Variants in MTX2 observed in about 807,000 individuals in gnomAD.
MTX2 encodes the protein metaxin-2.
In MTX2, 35 loss-of-function variants were observed where a neutral mutation model predicts 42.3. The observed-to-expected ratio is 0.83, with a 90% CI of 0.63 to 1.10. MTX2 has a LOEUF of 1.10. Ranked by LOEUF, MTX2 falls within the 50% of genes least tolerant of loss-of-function variation. The pLI, the probability that MTX2 is intolerant of heterozygous loss-of-function variation, is 0.00. For missense variants in MTX2, 307 were observed against 304.1 expected, an observed-to-expected ratio of 1.01 and a Z score of -0.07; for synonymous variants, 119 against 100.9, an observed-to-expected ratio of 1.18 and a Z score of -1.08.
intron 9 of MTX2, among the ~76,000 whole-genome samples, chr2:176,333,629 T>C (rs1684911735): frequency 6.6e-6 from 1 of 151,696 alleles, no homozygotes; most frequent in Non-Finnish European, 1.5e-5. Flanking sequence ...TTAGTGTGTG[T>C]GGATATATAC....
intron 3 of MTX2, among the ~76,000 whole-genome samples, chr2:176,316,441 A>G (rs1248246411): frequency 6.6e-6 from 1 of 151,914 alleles, no homozygotes; most frequent in East Asian, 1.9e-4. Context: ...TATGCCCATC[A>G]CCCAGGCTAG....
rs1693001145 is a variant in MTX2, at chr2:176,278,435, T to C, written c.40+8766T>C. On this transcript the variant is annotated intron_variant, in intron 1 of 9. Transcript: ENST00000249442. Reference sequence around the variant, plus strand: ...CCTTCAGAGGCTTGTTTTCTGCTAATGAAATAGTTCATAGGCTGTAATATG... The same window carrying C: ...CCTTCAGAGGCTTGTTTTCTGCTAACGAAATAGTTCATAGGCTGTAATATG... Among the ~76,000 whole-genome samples, 2 of 152,212 alleles carry C rather than the reference T, an allele frequency of 1.3e-5. 1 individual carries two copies. Among genetic ancestry groups the C allele is most frequent in the South Asian group, 4.1e-4 (2 of 4,828 alleles).
chr2:176,281,189 CT>C (rs1334047260), intron 1 of MTX2, among the ~76,000 whole-genome samples: 2 of 152,052 alleles, frequency 1.3e-5, no homozygotes, highest in Non-Finnish European at 2.9e-5. Flanking sequence ...AAGGTGGGGT[CT>C]TTTTCTAAGA....
At chr2:176,293,539 CTG>C (rs1693372847) in intron 1 of MTX2, among the ~76,000 whole-genome samples, 1 of 152,114 alleles carries the variant, frequency 6.6e-6, no homozygotes, top group Non-Finnish European at 1.5e-5. Context: ...AGTTCTCTCT[CTG>C]TGTTCACATG....
intron 3 of MTX2, among the ~76,000 whole-genome samples, chr2:176,308,338 A>G (rs973513061): frequency 6.6e-6 from 1 of 152,148 alleles, no homozygotes; most frequent in Non-Finnish European, 1.5e-5. Flanking sequence ...ATTGATGTTC[A>G]TCAGTAATGT....
chr2:176,323,898 C>T (rs555620089), intron 4 of MTX2, among the ~76,000 whole-genome samples: 9 of 151,558 alleles, frequency 5.9e-5, no homozygotes, highest in African/African-American at 2.2e-4. Flanking sequence ...ATTAATTTGT[C>T]GTTAGATCTT....
At chr2:176,305,358 A>T (rs1047276072) in intron 3 of MTX2, among the ~76,000 whole-genome samples, 44 of 152,184 alleles carry the variant, frequency 2.9e-4, no homozygotes, top group Admixed American at 2.4e-3. Context: ...CAGAAAAAGA[A>T]TATATATATT....
intron 1 of MTX2, among the ~76,000 whole-genome samples, chr2:176,295,895 A>G (rs1455811285): frequency 6.6e-6 from 1 of 152,208 alleles, no homozygotes; most frequent in Non-Finnish European, 1.5e-5. Flanking sequence ...ACAATTAGAA[A>G]TATATCAATT....
chr2:176,320,413 G>A (rs1176470571), intron 3 of MTX2, among the ~76,000 whole-genome samples: 2 of 152,000 alleles, frequency 1.3e-5, no homozygotes, highest in Admixed American at 1.3e-4. Flanking sequence ...ATTAACAGTT[G>A]AATATTATTC....
chr2:176,285,756 T>TATGCTG (rs1693184941), intron 1 of MTX2, among the ~76,000 whole-genome samples: 1 of 152,190 alleles, frequency 6.6e-6, no homozygotes, highest in Non-Finnish European at 1.5e-5. Flanking sequence ...ATCATATGGA[T>TATGCTG]ATGCTGCATT....
intron 1 of MTX2, among the ~76,000 whole-genome samples, chr2:176,288,071 G>A (rs932722816): frequency 4.0e-5 from 6 of 151,780 alleles, no homozygotes; most frequent in East Asian, 3.9e-4. Flanking sequence ...ATCCTGTATC[G>A]TATCATTAAA....
rs1683933425 is a variant in MTX2, at chr2:176,298,016, T to C, written c.135+121T>C. On this transcript the variant is annotated intron_variant, in intron 3 of 9. Coordinates refer to ENST00000249442, the MANE Select transcript of MTX2 (RefSeq NM_006554.5). Reference sequence around the variant, plus strand: ...TACTATATGTTTAGATTTTTTTCTGTGTGATTTACCATTATCTATATAACA... The same window carrying C: ...TACTATATGTTTAGATTTTTTTCTGCGTGATTTACCATTATCTATATAACA... The C allele has an allele frequency of 1.8e-5, 10 of 557,978 alleles. No individual in the cohort carries two copies. In the East Asian group the frequency reaches 3.4e-4, roughly 19 times the overall value. 34.6% of individuals were successfully genotyped at this position (557,978 alleles called of 1,614,324 possible).
At chr2:176,333,808 A>G (rs1474779666) in intron 9 of MTX2, among the ~76,000 whole-genome samples, 1 of 151,662 alleles carries the variant, frequency 6.6e-6, no homozygotes, top group African/African-American at 2.4e-5. Context: ...ACAGTTGCCT[A>G]CAGTATTCTG....
chr2:176,323,293 G>A, intron 3 of MTX2, 99 bp from the exon 4 acceptor site: 1 of 982,682 alleles, frequency 1.0e-6, no homozygotes, highest in South Asian at 1.5e-5. Flanking sequence ...GAGTTTTGTA[G>A]TATGAAACTA....
intron 9 of MTX2, 71 bp downstream of exon 9, chr2:176,330,731 G>T (rs1684844532): frequency 2.9e-6 from 3 of 1,042,200 alleles, no homozygotes; most frequent in Admixed American, 2.2e-5. Context: ...TTTCATAAAA[G>T]AATTGCTTTT....
rs994015105 is a variant in MTX2, at chr2:176,269,579, C to T, written c.-51C>T. 6.5e-7 allele frequency: 1 copy of T among 1,542,062 alleles called. No individual in the cohort carries two copies. Among genetic ancestry groups the T allele is most frequent in the Non-Finnish European group, 8.7e-7 (1 of 1,147,828 alleles). On this transcript the variant is annotated 5_prime_UTR_variant, in exon 1 of 10. The change creates a new upstream start codon in the 5' untranslated region. Transcript: ENST00000249442. The stretch of plus-strand genomic sequence containing the variant: ...GAGCCTCCGGGTTTGCGGTGGAGGA[C>T]GCTGAGGCCCGTGGGGGGCAGGCAC...
rs920349994 is a variant in MTX2, at chr2:176,269,480, C to G, written c.-150C>G. 1.9e-5 allele frequency: 17 copies of G among 877,882 alleles called. No individual in the cohort carries two copies. Among genetic ancestry groups the G allele is most frequent in the South Asian group, 9.4e-5 (5 of 53,144 alleles). The allele number at this position is 877,882 out of a possible 1,614,324, so 54.4% of individuals were successfully genotyped here. A position where few individuals can be genotyped will look rare whatever the true frequency, so the allele number is the denominator to read the frequency against. On this transcript the variant is annotated 5_prime_UTR_variant, in exon 1 of 10. Transcript: ENST00000249442. ...CCTGGCGGTAACCTTGGGGGCCTCA[C>G]TGCAGCCGCCGCTGCTGTTGGAGTG... is the stretch of plus-strand genomic sequence containing the variant.
chr2:176,328,207 A>G (rs1410884734), intron 5 of MTX2, 86 bp from the exon 6 acceptor site: 73 of 737,024 alleles, frequency 9.9e-5, no homozygotes, highest in Non-Finnish European at 8.5e-6. Context: ...GTATAGTTGC[A>G]TGTTACGTTA....
intron 2 of MTX2, among the ~76,000 whole-genome samples, chr2:176,297,605 T>A (rs1683919936): frequency 6.6e-6 from 1 of 152,114 alleles, no homozygotes; most frequent in African/African-American, 2.4e-5. Context: ...ATGAATTGGA[T>A]TTTAAGTAAA....
Sources: allele counts gnomAD v4.1 joint callset (sites outside exome capture counted in the v4.1 genomes callset), GRCh38; gene constraint gnomAD v4.1.1; transcripts MANE v1.5; gene names NCBI Gene and HGNC (gene_info 2026-07-23, HGNC 2026-07-21).